CDH23: variants seen among roughly 807,000 people sequenced by gnomAD.
CDH23 encodes cadherin related 23.
In CDH23, 189 loss-of-function variants were observed where a neutral mutation model predicts 317.1. The ratio of observed to expected loss-of-function variants is 0.60; its 90% confidence interval spans 0.53 to 0.67. CDH23 has a LOEUF of 0.67. CDH23 is among the 30% of genes least tolerant of loss of function. The probability of loss-of-function intolerance (pLI) is 0.00; values close to 1 mark genes in which losing one functional copy is unlikely to be tolerated. For synonymous variants in CDH23, 1,839 were observed against 1,876.8 expected (o/e 0.98, Z 0.52); for missense variants, 4,401 against 4,592.4 (o/e 0.96, Z 1.20).
chr10:71,427,703 T>C (rs1003370172), intron 1 of CDH23, among the ~76,000 whole-genome samples: 9 of 151,820 alleles, frequency 5.9e-5, no homozygotes, highest in Non-Finnish European at 1.2e-4. Flanking sequence ...ATAGGGTAAT[T>C]CTATGCTTAC....
rs1842115429 is a variant in CDH23, at chr10:71,815,765, C to G, written c.*487C>G. 6.3e-6 allele frequency: 1 copy of G among 157,594 alleles called. No individual in the cohort carries two copies. The highest frequency in any genetic ancestry group is 6.2e-5 in the Admixed American group (1 of 16,226). The allele number at this position is 157,594 out of a possible 1,614,324, so 9.8% of individuals were successfully genotyped here. On this transcript the variant is annotated 3_prime_UTR_variant, in exon 70 of 70. Coordinates refer to ENST00000224721, the MANE Select transcript of CDH23 (RefSeq NM_022124.6). ...CGCCACATCCCTCTCTGCTGGACGT[C>G]CAGGTGGAGGTGGCATCCCCACGTG...
chr10:71,677,405 C>T, intron 15 of CDH23, 51 bp from the exon 16 acceptor site: 2 of 1,451,708 alleles, frequency 1.4e-6, no homozygotes, highest in Non-Finnish European at 1.9e-6. Flanking sequence ...CATCAACAAG[C>T]CTGTTTTAAA....
At chr10:71,744,386 C>CA (rs1839806791) in intron 38 of CDH23, among the ~76,000 whole-genome samples, 1 of 152,130 alleles carries the variant, frequency 6.6e-6, no homozygotes, top group Non-Finnish European at 1.5e-5. Context: ...AGTTTGTAGG[C>CA]AAAATCAGGC....
chr10:71,811,787 A>G, intron 65 of CDH23, 34 bp downstream of exon 65: 1 of 1,560,122 alleles, frequency 6.4e-7, no homozygotes. Flanking sequence ...CACAGGTGAG[A>G]AGGCAGTGGG....
chr10:71,469,987 G>A (rs931248484), intron 3 of CDH23, among the ~76,000 whole-genome samples: 1 of 151,910 alleles, frequency 6.6e-6, no homozygotes, highest in East Asian at 1.9e-4. Flanking sequence ...CATATGTATA[G>A]GTTTAATGTT....
intron 34 of CDH23, chr10:71,737,946 T>G (rs953556125): frequency 1.0e-5 from 4 of 397,460 alleles, no homozygotes; most frequent in Non-Finnish European, 2.1e-5. Flanking sequence ...CAAGCCACCT[T>G]GCAGCCCCCT....
chr10:71,548,310 G>A (rs2132306483), intron 6 of CDH23, among the ~76,000 whole-genome samples: 1 of 152,286 alleles, frequency 6.6e-6, no homozygotes, highest in South Asian at 2.1e-4. Context: ...GGGGGTGATG[G>A]CATATGGACT....
rs778657054 is a variant in CDH23, at chr10:71,704,898, T to A, written c.2734-13T>A. On this transcript the variant is annotated splice_polypyrimidine_tract_variant and intron_variant, in intron 24 of 69. Coordinates refer to ENST00000224721, the MANE Select transcript of CDH23 (RefSeq NM_022124.6). ...CCCCTCCCCACCCTCATGCTGCCCCTCCTTGCCCTCAGGTGGTGGCCATCG... is the reference window on the plus strand; with the variant it reads ...CCCCTCCCCACCCTCATGCTGCCCCACCTTGCCCTCAGGTGGTGGCCATCG... The A allele has an allele frequency of 1.9e-6, 3 of 1,604,110 alleles. No homozygotes were observed. In the Admixed American group the frequency reaches 5.0e-5, roughly 27 times the overall value.
chr10:71,784,315 G>T lies in CDH23; in HGVS notation c.5397G>T (p.Gly1799=). The part of the protein sequence containing the change: ...LGEFVISPVE[G]VLRVRKDVEL... Reference sequence around the variant, plus strand: ...AGTTTGTGATCTCTCCTGTGGAGGGGGTGCTAAGGGTCCGGAAGGACGTGG... The same window carrying T: ...AGTTTGTGATCTCTCCTGTGGAGGGTGTGCTAAGGGTCCGGAAGGACGTGG... The change falls in exon 42 of 70, where the codon GGG becomes GGT. Residue 1799 remains glycine (G), a synonymous_variant. Coordinates refer to ENST00000224721, the MANE Select transcript of CDH23 (RefSeq NM_022124.6). The T allele has an allele frequency of 6.2e-7, 1 of 1,613,874 alleles. No individual in the cohort carries two copies. The highest frequency in any genetic ancestry group is 8.5e-7 in the Non-Finnish European group (1 of 1,179,806).
At chr10:71,792,330 G>A (rs1341971034) in intron 47 of CDH23, among the ~76,000 whole-genome samples, 1 of 151,830 alleles carries the variant, frequency 6.6e-6, no homozygotes, top group African/African-American at 2.4e-5. Flanking sequence ...AAAACCAAAA[G>A]AAAATATTAA....
intron 14 of CDH23, among the ~76,000 whole-genome samples, chr10:71,672,679 A>G (rs1359215550): frequency 1.3e-5 from 2 of 152,146 alleles, no homozygotes; most frequent in Admixed American, 6.5e-5. Flanking sequence ...CAAGCCTTGC[A>G]GGGGTTGGGG....
chr10:71,600,891 T>C (rs1194962330), intron 9 of CDH23, among the ~76,000 whole-genome samples: 1 of 152,222 alleles, frequency 6.6e-6, no homozygotes, highest in Non-Finnish European at 1.5e-5. Flanking sequence ...CTGGCCTTTC[T>C]GTTTTCAGAC....
At chr10:71,714,739 G>A (rs1327360331) in intron 28 of CDH23, 1 of 152,302 alleles carries the variant, frequency 6.6e-6, no homozygotes, top group Non-Finnish European at 1.5e-5. Flanking sequence ...GCAAGCCAGA[G>A]CTCACTCCTT....
intron 14 of CDH23, among the ~76,000 whole-genome samples, chr10:71,661,468 G>A (rs946042044): frequency 2.4e-4 from 36 of 152,286 alleles, no homozygotes; most frequent in African/African-American, 7.7e-4. Flanking sequence ...TGCAAAATGG[G>A]GAGGATGTTA....
chr10:71,537,133 C>T (rs1213094634), intron 6 of CDH23, among the ~76,000 whole-genome samples: 2 of 151,964 alleles, frequency 1.3e-5, no homozygotes, highest in African/African-American at 4.8e-5. Context: ...TGGCTGAGGG[C>T]CTGGGGGTGA....
chr10:71,496,825 G>GA (rs1853002795), intron 3 of CDH23, among the ~76,000 whole-genome samples: 3 of 56,804 alleles, frequency 5.3e-5, no homozygotes, highest in East Asian at 4.3e-4. Context: ...ATGTGGTCTG[G>GA]TGTACAGATG....
At chr10:71,472,957 T>G (rs781622300) in intron 3 of CDH23, among the ~76,000 whole-genome samples, 1 of 152,254 alleles carries the variant, frequency 6.6e-6, no homozygotes, top group Non-Finnish European at 1.5e-5. Context: ...GGCAAACATT[T>G]TTCCTTTATT....
rs372379656 is a variant in CDH23 at position 71,706,853 on chromosome 10, C to T, written c.2954-44C>T. The T allele has an allele frequency of 5.4e-4, 839 of 1,548,544 alleles. 1 individual carries two copies. The highest frequency in any genetic ancestry group is 6.9e-4 in the Non-Finnish European group (789 of 1,144,220). On this transcript the variant is annotated intron_variant, in intron 25 of 69. Transcript: ENST00000224721. ...CGCTGCTCTGGAGCTGGGTCTTCTG[C>T]GGCAGAAGCCAGGCCTAGCCCCGGC... is the stretch of plus-strand genomic sequence containing the variant.
At chr10:71,463,369 G>A (rs557066183) in intron 3 of CDH23, among the ~76,000 whole-genome samples, 5 of 152,268 alleles carry the variant, frequency 3.3e-5, no homozygotes, top group Non-Finnish European at 5.9e-5. Flanking sequence ...CAGCCTGTCC[G>A]CACCCGGCTG....
Sources: allele counts gnomAD v4.1 joint callset (sites outside exome capture counted in the v4.1 genomes callset), GRCh38; gene constraint gnomAD v4.1.1; transcripts MANE v1.5; gene names NCBI Gene and HGNC (gene_info 2026-07-23, HGNC 2026-07-21).